TBCK: variants seen among roughly 807,000 people sequenced by gnomAD.
TBCK encodes TBC1 domain containing kinase.
In TBCK, 99 loss-of-function variants were observed where a neutral mutation model predicts 113.4. That is an observed-to-expected ratio of 0.87 (90% CI 0.74 to 1.03). The LOEUF is 1.03. Among genes scored for constraint, TBCK ranks in the 50% least tolerant of loss-of-function variants. TBCK has a pLI of 0.00. For synonymous variants in TBCK, 369 were observed against 370.8 expected, an observed-to-expected ratio of 1.00 and a Z score of 0.05; for missense variants, 1,045 against 1,061.3, an observed-to-expected ratio of 0.98 and a Z score of 0.21.
chr4:106,141,097 A>C lies in TBCK; in HGVS notation c.2236-24719T>G, dbSNP rs755766209. ...TCAAGCAAAAAGACAGCAAAACAATAGAAACACTGCCATTTAATGTAAGTG... is the reference window on the plus strand; with the variant it reads ...TCAAGCAAAAAGACAGCAAAACAATCGAAACACTGCCATTTAATGTAAGTG... On this transcript the variant is annotated intron_variant, in intron 23 of 25. Coordinates refer to ENST00000394708, the MANE Select transcript of TBCK (RefSeq NM_001163435.3). 4.3e-5 allele frequency among the ~76,000 whole-genome samples: 6 copies of C among 140,916 alleles called. 2 individuals carry two copies. Among genetic ancestry groups the C allele is most frequent in the Non-Finnish European group, 8.1e-5 (5 of 62,088 alleles). 92.4% of individuals were successfully genotyped at this position (140,916 alleles called of 152,430 possible). A position where few individuals can be genotyped will look rare whatever the true frequency, so the allele number is the denominator to read the frequency against.
chr4:106,258,968 T>C (rs1395232364), intron 5 of TBCK, among the ~76,000 whole-genome samples: 1 of 151,962 alleles, frequency 6.6e-6, no homozygotes. Flanking sequence ...AAGTTTTCAA[T>C]ACACAAAACT....
At position 106,292,068 on chromosome 4, in the gene TBCK, TGAATTGG is replaced by T. The variant is rs144651643; in HGVS notation, c.266+3019_266+3025del. On this transcript the variant is annotated intron_variant, in intron 3 of 25. Transcript: ENST00000394708. ...TTGAATGATTAAATATCAGAGAAAC[TGAATTGG>T]TCACTTTACATCGGTATATGCAGAC... 4.0e-3 allele frequency among the ~76,000 whole-genome samples: 602 copies of T among 152,312 alleles called. 7 individuals carry two copies. The highest frequency in any genetic ancestry group is 0.029 in the East Asian group (149 of 5,178).
At chr4:106,216,960 A>T (rs1757019651) in intron 19 of TBCK, among the ~76,000 whole-genome samples, 1 of 152,174 alleles carries the variant, frequency 6.6e-6, no homozygotes, top group Non-Finnish European at 1.5e-5. Flanking sequence ...TTGATGCAAA[A>T]ATCCTCAATA....
intron 5 of TBCK, among the ~76,000 whole-genome samples, chr4:106,258,267 A>G (rs2150086641): frequency 6.6e-6 from 1 of 152,148 alleles, no homozygotes; most frequent in Non-Finnish European, 1.5e-5. Flanking sequence ...TGATGTTTTA[A>G]TAAGGTATTA....
chr4:106,241,238 G>A (rs1003270708), intron 12 of TBCK, among the ~76,000 whole-genome samples: 6 of 151,406 alleles, frequency 4.0e-5, no homozygotes, highest in African/African-American at 1.5e-4. Flanking sequence ...AAATAAAATT[G>A]TTATATAAAA....
chr4:106,208,102 T>A (rs1273907128), intron 20 of TBCK, among the ~76,000 whole-genome samples: 1 of 152,144 alleles, frequency 6.6e-6, no homozygotes, highest in Non-Finnish European at 1.5e-5. Context: ...CACAAAGAAT[T>A]ACTTCCCATC....
chr4:106,077,851 A>G (rs1256200884), intron 25 of TBCK, among the ~76,000 whole-genome samples: 2 of 152,202 alleles, frequency 1.3e-5, no homozygotes, highest in Non-Finnish European at 2.9e-5. Context: ...CAGAATACAT[A>G]TTCTTCTCAT....
chr4:106,147,239 T>C (rs573482254), intron 23 of TBCK, among the ~76,000 whole-genome samples: 1 of 152,346 alleles, frequency 6.6e-6, no homozygotes, highest in Non-Finnish European at 1.5e-5. Flanking sequence ...GAATCACAAC[T>C]GTTCTGAAAG....
At chr4:106,199,138 T>C (rs1012307620) in intron 20 of TBCK, among the ~76,000 whole-genome samples, 5 of 152,134 alleles carry the variant, frequency 3.3e-5, no homozygotes, top group African/African-American at 1.2e-4. Context: ...CCCACTCTAA[T>C]CAAGTTCTTG....
Position 106,112,385 on chromosome 4 carries a change from C to A in TBCK, c.2411+3818G>T, listed in dbSNP as rs141677735. On this transcript the variant is annotated intron_variant, in intron 24 of 25. Coordinates refer to ENST00000394708, the MANE Select transcript of TBCK (RefSeq NM_001163435.3). Reference sequence around the variant, plus strand: ...TCTTGTACTTCTGTGGTTTTGCCTACTAAAACAGTTCAATCCCCCATATCT... The same window carrying A: ...TCTTGTACTTCTGTGGTTTTGCCTAATAAAACAGTTCAATCCCCCATATCT... Among the ~76,000 whole-genome samples, 759 of 152,294 alleles carry A rather than the reference C, an allele frequency of 5.0e-3. 4 individuals are homozygous for A. The highest frequency in any genetic ancestry group is 0.018 in the African/African-American group (730 of 41,564).
intron 23 of TBCK, among the ~76,000 whole-genome samples, chr4:106,169,079 C>G (rs915152044): frequency 6.6e-6 from 1 of 152,016 alleles, no homozygotes; most frequent in Admixed American, 6.6e-5. Context: ...ATCTGAAGCA[C>G]TTTTGGTCCC....
intron 3 of TBCK, among the ~76,000 whole-genome samples, chr4:106,284,692 T>C (rs570787156): frequency 6.6e-6 from 1 of 152,274 alleles, no homozygotes; most frequent in African/African-American, 2.4e-5. Context: ...GCTGATACTT[T>C]CATAGGTTAA....
At chr4:106,116,418 T>C (rs776529958) in intron 23 of TBCK, 40 bp from the exon 24 acceptor site, 5 of 1,523,638 alleles carry the variant, frequency 3.3e-6, no homozygotes, top group Non-Finnish European at 3.6e-6. Context: ...TTGAGAATAT[T>C]ATAGAAAAAC....
intron 19 of TBCK, among the ~76,000 whole-genome samples, chr4:106,227,347 G>T (rs1052458865): frequency 6.6e-6 from 1 of 151,860 alleles, no homozygotes; most frequent in Admixed American, 6.6e-5. Flanking sequence ...CAAGGTACAT[G>T]ATGCTGAAAA....
intron 25 of TBCK, among the ~76,000 whole-genome samples, chr4:106,081,131 C>A (rs1398124774): frequency 6.6e-6 from 1 of 152,046 alleles, no homozygotes; most frequent in Non-Finnish European, 1.5e-5. Flanking sequence ...GGCGATTCCT[C>A]AAAGATCTAG....
chr4:106,198,229 T>A (rs977679843), intron 20 of TBCK, among the ~76,000 whole-genome samples: 5 of 152,144 alleles, frequency 3.3e-5, no homozygotes, highest in African/African-American at 1.2e-4. Flanking sequence ...CAGATCTTCG[T>A]TTTTGAAATA....
intron 23 of TBCK, among the ~76,000 whole-genome samples, chr4:106,150,846 T>C (rs1223730072): frequency 1.3e-5 from 2 of 152,094 alleles, no homozygotes; most frequent in African/African-American, 4.8e-5. Context: ...GAGTTAACAC[T>C]AGTATAACCT....
At chr4:106,308,192 G>C (rs989666372) in intron 2 of TBCK, among the ~76,000 whole-genome samples, 2 of 152,126 alleles carry the variant, frequency 1.3e-5, no homozygotes, top group Non-Finnish European at 2.9e-5. Context: ...AAATATAGTT[G>C]TTAATTCATT....
chr4:106,279,741 T>C (rs1764391252), intron 3 of TBCK, among the ~76,000 whole-genome samples: 1 of 152,152 alleles, frequency 6.6e-6, no homozygotes, highest in East Asian at 1.9e-4. Flanking sequence ...GTTTATTCTA[T>C]GTGGTTGCAA....
Sources: allele counts gnomAD v4.1 joint callset (sites outside exome capture counted in the v4.1 genomes callset), GRCh38; gene constraint gnomAD v4.1.1; transcripts MANE v1.5; gene names NCBI Gene and HGNC (gene_info 2026-07-23, HGNC 2026-07-21).